Variants in TMEM67 observed in about 807,000 individuals in gnomAD.
TMEM67 encodes the protein meckelin.
Under a neutral mutation model 136.6 loss-of-function variants are expected in TMEM67, and 124 were observed. The observed-to-expected ratio is 0.91, with a 90% CI of 0.78 to 1.05. TMEM67 has a LOEUF of 1.05. Ranked by LOEUF, TMEM67 falls within the 50% of genes least tolerant of loss-of-function variation. The probability of loss-of-function intolerance (pLI) is 0.00; values close to 1 mark genes in which losing one functional copy is unlikely to be tolerated. For synonymous variants in TMEM67, 364 were observed against 390.5 expected (o/e 0.93, Z 0.80); for missense variants, 1,107 against 1,178.4 (o/e 0.94, Z 0.89).
rs7815776 is a variant in TMEM67, at chr8:93,779,168, C to T, written c.715-1425C>T. Among the ~76,000 whole-genome samples, 433 of 152,306 alleles carry T rather than the reference C, an allele frequency of 2.8e-3. 5 individuals carry two copies. Among genetic ancestry groups the T allele is most frequent in the African/African-American group, 9.1e-3 (379 of 41,562 alleles). ...AATCGGCTACTGAAGCTTGTGCATG[C>T]ATCACATAGTTCTTGTGCCATGTCT... On this transcript the variant is annotated intron_variant, in intron 7 of 27. Coordinates refer to ENST00000453321, the MANE Select transcript of TMEM67 (RefSeq NM_153704.6).
chr8:93,768,176 A>T (rs1813163844), intron 6 of TMEM67, among the ~76,000 whole-genome samples: 1 of 152,052 alleles, frequency 6.6e-6, no homozygotes, highest in African/African-American at 2.4e-5. Flanking sequence ...GGAGTCAGCC[A>T]TTTCTTTAAT....
At chr8:93,758,814 G>A (rs1239419121) in intron 3 of TMEM67, 1 of 461,726 alleles carries the variant, frequency 2.2e-6, no homozygotes, top group East Asian at 3.9e-5. Flanking sequence ...GCTCAGCCTG[G>A]TCTTGAACTC....
chr8:93,805,148 T>A (rs971060119), intron 23 of TMEM67, among the ~76,000 whole-genome samples: 3 of 152,144 alleles, frequency 2.0e-5, no homozygotes, highest in African/African-American at 7.2e-5. Context: ...AATTTTGTAT[T>A]TTTAGTAGAG....
chr8:93,767,267 C>T (rs1813120276), intron 6 of TMEM67, among the ~76,000 whole-genome samples: 1 of 152,234 alleles, frequency 6.6e-6, no homozygotes, highest in Non-Finnish European at 1.5e-5. Flanking sequence ...GCATCACATC[C>T]AGGGGCACAC....
intron 20 of TMEM67, among the ~76,000 whole-genome samples, chr8:93,798,493 A>C (rs895113650): frequency 2.6e-5 from 4 of 152,238 alleles, no homozygotes; most frequent in African/African-American, 9.6e-5. Context: ...TGTGATACAT[A>C]TGCAGTTATT....
At chr8:93,767,069 A>G (rs1586018543) in intron 6 of TMEM67, among the ~76,000 whole-genome samples, 3 of 152,182 alleles carry the variant, frequency 2.0e-5, no homozygotes, top group South Asian at 2.1e-4. Flanking sequence ...GAGATCCCCA[A>G]TCATTTAATG....
chr8:93,822,551 C>T (rs73326952), downstream of TMEM67, among the ~76,000 whole-genome samples: 2,780 of 152,252 alleles, frequency 0.018, 92 homozygotes, highest in African/African-American at 0.064. Flanking sequence ...GCCCTTCTGA[C>T]TGTAGCTCAA....
At chr8:93,806,299 T>A (rs1028849896) in intron 23 of TMEM67, among the ~76,000 whole-genome samples, 5 of 152,206 alleles carry the variant, frequency 3.3e-5, no homozygotes, top group African/African-American at 1.2e-4. Context: ...TGGGAGATTT[T>A]TAGTGGACTA....
At chr8:93,802,799 C>T (rs1211220186) in intron 21 of TMEM67, among the ~76,000 whole-genome samples, 26 of 152,226 alleles carry the variant, frequency 1.7e-4, no homozygotes, top group South Asian at 2.1e-4. Flanking sequence ...TTTCAGCAGT[C>T]GGCTGGTGTA....
intron 17 of TMEM67, 123 bp from the exon 18 acceptor site, chr8:93,795,778 C>T (rs1814583106): frequency 4.0e-6 from 3 of 748,636 alleles, no homozygotes; most frequent in Middle Eastern, 2.8e-4. Context: ...GAATCAAGTC[C>T]TGCCCGGGCA....
downstream of TMEM67, among the ~76,000 whole-genome samples, chr8:93,823,852 T>C (rs74651290): frequency 5.3e-5 from 8 of 151,846 alleles, no homozygotes; most frequent in African/African-American, 9.7e-5. Flanking sequence ...TTTTTTTTTT[T>C]AGCTAGCTGA....
the TMEM67 span, among the ~76,000 whole-genome samples, chr8:93,826,025 T>C: frequency 9.9e-5 from 15 of 151,810 alleles, no homozygotes; most frequent in African/African-American, 3.6e-4. Flanking sequence ...CGGATCATAA[T>C]AGACTCATTT....
chr8:93,815,523 C>A, intron 27 of TMEM67, 76 bp downstream of exon 27: 1 of 1,322,638 alleles, frequency 7.6e-7, no homozygotes, highest in Non-Finnish European at 1.1e-6. Flanking sequence ...ATTTTCATAG[C>A]AGAGAGTAAC....
Position 93,780,735 on chromosome 8 carries a change from C to T in TMEM67, c.857C>T (p.Ser286Phe). The T allele has an allele frequency of 6.2e-7, 1 of 1,613,908 alleles. No individual in the cohort carries two copies. Among genetic ancestry groups the T allele is most frequent in the South Asian group, 1.1e-5 (1 of 91,076 alleles). Residue 286 changes from serine (S) to phenylalanine (F), a missense_variant, in exon 8 of 28, where the codon TCT becomes TTT. By Grantham distance (155) the Ser-to-Phe change is radical. Coordinates refer to ENST00000453321, the MANE Select transcript of TMEM67 (RefSeq NM_153704.6). ...ACTGCTGGACTGAGCACTGTTCATT[C>T]TATTTCATTTTGGTAAGGATATTTT... The part of the protein sequence containing the change: ...ENTAGLSTVH[S>F]ISFWRQNLPW...
downstream of TMEM67, among the ~76,000 whole-genome samples, chr8:93,819,944 A>G (rs1049208592): frequency 6.6e-6 from 1 of 152,106 alleles, no homozygotes; most frequent in African/African-American, 2.4e-5. Context: ...GACCTGAGCC[A>G]CACCTCCTCT....
rs748279142 is a variant in TMEM67 at position 93,765,440 on chromosome 8, A to G, written c.541A>G (p.Ser181Gly). 1.9e-6 allele frequency: 3 copies of G among 1,612,054 alleles called. No homozygotes were observed. Among genetic ancestry groups the G allele is most frequent in the Non-Finnish European group, 2.5e-6 (3 of 1,179,816 alleles). The change falls in exon 5 of 28, where the codon AGC (serine) becomes GGC (glycine). Residue 181 changes from serine (S) to glycine (G), a missense_variant. Transcript: ENST00000453321. Reference protein sequence around the residue: ...VRCEPTFVNTSRSCACSEPNI... With the variant: ...VRCEPTFVNTGRSCACSEPNI... Reference sequence around the variant, plus strand: ...ATGTGAGCCAACATTTGTTAATACCAGCAGGTCCTGTGCATGTTCAGAACC... The same window carrying G: ...ATGTGAGCCAACATTTGTTAATACCGGCAGGTCCTGTGCATGTTCAGAACC...
intron 10 of TMEM67, among the ~76,000 whole-genome samples, chr8:93,781,949 C>T (rs1307120243): frequency 1.3e-5 from 2 of 150,490 alleles, no homozygotes; most frequent in Admixed American, 6.6e-5. Context: ...GATGGAGTCT[C>T]GCTTTCTTAA....
chr8:93,767,555 A>C (rs1019746763), intron 6 of TMEM67, among the ~76,000 whole-genome samples: 1 of 152,166 alleles, frequency 6.6e-6, no homozygotes, highest in Non-Finnish European at 1.5e-5. Flanking sequence ...AGGAAGAACT[A>C]TCTCTTCTTC....
Position 93,803,597 on chromosome 8 carries a change from G to C in TMEM67, c.2242-7G>C, listed in dbSNP as rs761170798. Reference sequence around the variant, plus strand: ...CTAATAAGCATAAACTTGACTTAATGTTTCAGGTCGTGTTCTTTGCTGTCT... The same window carrying C: ...CTAATAAGCATAAACTTGACTTAATCTTTCAGGTCGTGTTCTTTGCTGTCT... On this transcript the variant is annotated splice_region_variant and splice_polypyrimidine_tract_variant and intron_variant, in intron 21 of 27. Transcript: ENST00000453321. The C allele has an allele frequency of 3.8e-6, 6 of 1,568,926 alleles. No homozygotes were observed. In the Admixed American group the frequency reaches 1.0e-4, roughly 26 times the overall value.
Sources: allele counts gnomAD v4.1 joint callset (sites outside exome capture counted in the v4.1 genomes callset), GRCh38; gene constraint gnomAD v4.1.1; transcripts MANE v1.5; gene names NCBI Gene and HGNC (gene_info 2026-07-23, HGNC 2026-07-21).